The following SND1 variants were observed in gnomAD, a reference collection of about 807,000 sequenced individuals.
SND1 encodes the protein staphylococcal nuclease domain-containing protein 1.
Under a neutral mutation model 121.7 loss-of-function variants are expected in SND1, and 38 were observed. The ratio of observed to expected loss-of-function variants is 0.31; its 90% confidence interval spans 0.24 to 0.41. The LOEUF (loss-of-function observed/expected upper bound fraction) is 0.41, where lower values mean the gene tolerates loss of function less well. Ranked by LOEUF, SND1 falls within the 10% of genes least tolerant of loss-of-function variation. SND1 has a pLI of 1.00. For missense variants in SND1, 868 were observed against 1,184.6 expected, an observed-to-expected ratio of 0.73 and a Z score of 3.92; for synonymous variants, 401 against 447.4, an observed-to-expected ratio of 0.90 and a Z score of 1.31.
intron 10 of SND1, among the ~76,000 whole-genome samples, chr7:127,758,095 GTTAAA>G (rs1158812117): frequency 1.3e-5 from 2 of 152,202 alleles, no homozygotes; most frequent in Admixed American, 6.5e-5. Flanking sequence ...TTTGGAGAAA[GTTAAA>G]TTAATGTTAT....
chr7:128,071,631 G>A lies in SND1; in HGVS notation c.1780-2871G>A, dbSNP rs766039942. 1.6e-4 allele frequency among the ~76,000 whole-genome samples: 25 copies of A among 152,262 alleles called. No homozygotes were observed. In the East Asian group the frequency reaches 2.9e-3, roughly 18 times the overall value. On this transcript the variant is annotated intron_variant, in intron 16 of 23. Coordinates refer to ENST00000354725, the MANE Select transcript of SND1 (RefSeq NM_014390.4). ...GCTTAAACCTCTGCTTTCAATCTCC[G>A]TAATTCTCCCAGAGTTCAAGAAGCG... is the stretch of plus-strand genomic sequence containing the variant.
intron 11 of SND1, among the ~76,000 whole-genome samples, chr7:127,817,811 C>T (rs1798473045): frequency 7.6e-6 from 1 of 130,904 alleles, no homozygotes; most frequent in Non-Finnish European, 1.5e-5. Context: ...TGTTCTTTGT[C>T]CTCCGATAAT....
intron 4 of SND1, among the ~76,000 whole-genome samples, chr7:127,700,901 G>A (rs982801520): frequency 1.3e-5 from 2 of 152,164 alleles, no homozygotes; most frequent in African/African-American, 4.8e-5. Context: ...AGTGATGGTG[G>A]CAGTACTGAG....
At chr7:128,032,791 C>T (rs950688478) in intron 16 of SND1, among the ~76,000 whole-genome samples, 3 of 152,178 alleles carry the variant, frequency 2.0e-5, no homozygotes, top group Non-Finnish European at 2.9e-5. Flanking sequence ...TGCCGCCAGC[C>T]CCTCCTTCGC....
chr7:127,890,483 C>A (rs1436936429), intron 13 of SND1, among the ~76,000 whole-genome samples: 2 of 152,086 alleles, frequency 1.3e-5, no homozygotes, highest in Admixed American at 6.6e-5. Flanking sequence ...TCAGCCCAAT[C>A]TGATGGTAAC....
At chr7:127,652,513 C>G in intron 1 of SND1, 62 bp downstream of exon 1, 2 of 1,353,618 alleles carry the variant, frequency 1.5e-6, no homozygotes, top group South Asian at 2.7e-5. Context: ...CAGGCATTGA[C>G]TCCACCTTCC....
chr7:127,656,086 C>G lies in SND1; in HGVS notation c.78+3635C>G, dbSNP rs542506651. ...CAGTCTTTTGTTTTATTCTAAGAAC[C>G]ATGATTCTCACTGGGTGACCAAAGC... On this transcript the variant is annotated intron_variant, in intron 1 of 23. Transcript: ENST00000354725. Among the ~76,000 whole-genome samples, 9 of 152,194 alleles carry G rather than the reference C, an allele frequency of 5.9e-5. No homozygotes were observed. The South Asian group carries it at 1.9e-3, about 32-fold the overall frequency.
At chr7:127,721,154 T>C in intron 9 of SND1, 133 bp from the exon 10 acceptor site, 3 of 537,832 alleles carry the variant, frequency 5.6e-6, no homozygotes, top group Non-Finnish European at 1.0e-5. Context: ...TGTTGCACCA[T>C]GAAGGATGAT....
intron 16 of SND1, among the ~76,000 whole-genome samples, chr7:128,014,971 G>A (rs1209600361): frequency 6.6e-6 from 1 of 152,184 alleles, no homozygotes; most frequent in Non-Finnish European, 1.5e-5. Context: ...TCTATATCTT[G>A]TCAGATATTT....
At chr7:127,908,318 ATGTGTGTG>A (rs10579969) in intron 14 of SND1, among the ~76,000 whole-genome samples, 7,348 of 138,522 alleles carry the variant, frequency 0.053, 226 homozygotes, top group Non-Finnish European at 0.064. Context: ...ATAATAATAA[ATGTGTGTG>A]TGTGTGTGTG....
intron 16 of SND1, among the ~76,000 whole-genome samples, chr7:128,046,323 G>A (rs2117013796): frequency 6.6e-6 from 1 of 151,012 alleles, no homozygotes; most frequent in South Asian, 2.1e-4. Flanking sequence ...GGGTTTTTTG[G>A]GGTTTTTTGT....
At chr7:127,730,310 G>A (rs776130123) in intron 10 of SND1, among the ~76,000 whole-genome samples, 1 of 152,200 alleles carries the variant, frequency 6.6e-6, no homozygotes, top group South Asian at 2.1e-4. Context: ...TCTGATATCC[G>A]TCTGTTTTTG....
At chr7:127,693,101 C>T (rs1253871983) in intron 2 of SND1, among the ~76,000 whole-genome samples, 2 of 152,194 alleles carry the variant, frequency 1.3e-5, no homozygotes, top group Non-Finnish European at 2.9e-5. Context: ...ACATCTTAAA[C>T]TTATCTGTAG....
intron 10 of SND1, among the ~76,000 whole-genome samples, chr7:127,740,081 A>G (rs1796852827): frequency 1.3e-5 from 2 of 152,308 alleles, no homozygotes; most frequent in Admixed American, 1.3e-4. Flanking sequence ...GTTGCTGTCC[A>G]TGATTAAATT....
At chr7:127,988,624 G>A (rs1199091126) in intron 15 of SND1, among the ~76,000 whole-genome samples, 1 of 152,224 alleles carries the variant, frequency 6.6e-6, no homozygotes, top group Non-Finnish European at 1.5e-5. Flanking sequence ...TGCAATCTCT[G>A]AAGCTTCACC....
intron 11 of SND1, among the ~76,000 whole-genome samples, chr7:127,828,161 T>C (rs977069615): frequency 1.3e-5 from 2 of 151,896 alleles, no homozygotes; most frequent in African/African-American, 4.8e-5. Flanking sequence ...CATGCCCGGC[T>C]AATTTTGGTA....
At chr7:127,844,882 C>T (rs1799030665) in intron 12 of SND1, among the ~76,000 whole-genome samples, 1 of 152,102 alleles carries the variant, frequency 6.6e-6, no homozygotes, top group African/African-American at 2.4e-5. Flanking sequence ...CTGGCTGTAA[C>T]CTGGTTAGAT....
chr7:128,042,308 C>G (rs533554253), intron 16 of SND1: 3 of 152,260 alleles, frequency 2.0e-5, no homozygotes, highest in African/African-American at 7.2e-5. Flanking sequence ...GCACAGAGCT[C>G]CTGGGGATCC....
In SND1 at chr7:127,921,814, T is replaced by G. The variant is rs117376513; in HGVS notation, c.1528-7374T>G. Among the ~76,000 whole-genome samples, 90 of 152,346 alleles carry G rather than the reference T, an allele frequency of 5.9e-4. 1 individual carries two copies. Among genetic ancestry groups the G allele is most frequent in the East Asian group, 3.3e-3 (17 of 5,190 alleles). ...AACCTTTGTCAGAATGTCATACAAA[T>G]GCAATCATGTATTTGAGATTCATAC... On this transcript the variant is annotated intron_variant, in intron 14 of 23. Coordinates refer to ENST00000354725, the MANE Select transcript of SND1 (RefSeq NM_014390.4).
Sources: gnomAD v4.1 joint callset for allele counts (sites outside exome capture counted in the v4.1 genomes callset) on GRCh38, gnomAD v4.1.1 for gene constraint, MANE v1.5 for transcripts, NCBI Gene and HGNC (gene_info 2026-07-23, HGNC 2026-07-21) for gene names.